Variants in SLC22A25 observed in about 807,000 individuals in gnomAD.
SLC22A25 encodes solute carrier family 22 member 25.
A neutral mutation model predicts 45.9 loss-of-function variants in SLC22A25; 44 were observed. That is an observed-to-expected ratio of 0.96 (90% CI 0.75 to 1.23). The LOEUF is 1.23. Ranked by LOEUF, SLC22A25 falls within the 50% of genes most tolerant of loss-of-function variation. SLC22A25 has a pLI of 0.00. For missense variants in SLC22A25, 800 were observed against 666.4 expected (o/e 1.20, Z -2.21); for synonymous variants, 283 against 238.6 (o/e 1.19, Z -1.72).
At chr11:63,175,276 A>G (rs936718109) in intron 9 of SLC22A25, among the ~76,000 whole-genome samples, 13 of 151,978 alleles carry the variant, frequency 8.6e-5, no homozygotes, top group Admixed American at 7.2e-4. Flanking sequence ...ATTATCTCTT[A>G]TTTATTTATT....
In SLC22A25 at chr11:63,163,036, TC is replaced by T. The variant is rs2087561867; in HGVS notation, c.*787del. Among the ~76,000 whole-genome samples, 1 of 152,124 alleles carries T rather than the reference TC, an allele frequency of 6.6e-6. No individual in the cohort carries two copies. Among genetic ancestry groups the T allele is most frequent in the Non-Finnish European group, 1.5e-5 (1 of 68,026 alleles). ...GAAAGACATGGACTAAACATATAAG[TC>T]CTGCATTCTTTAGGACATACTGATT... On this transcript the variant is annotated 3_prime_UTR_variant, in exon 12 of 12. Transcript: ENST00000306494.
rs545228453 is a variant in SLC22A25, at chr11:63,199,150, C to A, written c.831-15333G>T. ...AAAAATTAATAATATATATATAGATCCCTAGCTAGACTAATAAAGAAGAAA... is the reference window on the plus strand; with the variant it reads ...AAAAATTAATAATATATATATAGATACCTAGCTAGACTAATAAAGAAGAAA... On this transcript the variant is annotated intron_variant, in intron 7 of 11. Coordinates refer to ENST00000306494, the MANE Select transcript of SLC22A25 (RefSeq NM_199352.6). 7.9e-5 allele frequency among the ~76,000 whole-genome samples: 12 copies of A among 151,708 alleles called. No individual in the cohort carries two copies. The South Asian group carries it at 2.5e-3, about 32-fold the overall frequency.
At chr11:63,176,680 T>C (rs2088100122) in intron 9 of SLC22A25, among the ~76,000 whole-genome samples, 1 of 152,006 alleles carries the variant, frequency 6.6e-6, no homozygotes, top group African/African-American at 2.4e-5. Context: ...ACCTTTCCTA[T>C]TTAGATGCTT....
At chr11:63,239,940 A>T (rs2134865005) in intron 1 of SLC22A25, among the ~76,000 whole-genome samples, 1 of 152,344 alleles carries the variant, frequency 6.6e-6, no homozygotes, top group Non-Finnish European at 1.5e-5. Context: ...ACAGTCATGC[A>T]TCTCAAAACA....
At chr11:63,174,594 A>G (rs2088018536) in intron 9 of SLC22A25, among the ~76,000 whole-genome samples, 2 of 152,108 alleles carry the variant, frequency 1.3e-5, no homozygotes, top group South Asian at 4.1e-4. Context: ...CCAGTCACTC[A>G]GATACTGAAA....
At chr11:63,225,542 T>G (rs1212364823) in intron 5 of SLC22A25, among the ~76,000 whole-genome samples, 1 of 152,194 alleles carries the variant, frequency 6.6e-6, no homozygotes, top group African/African-American at 2.4e-5. Flanking sequence ...TTCTTTTCTC[T>G]TGCGTGTTTA....
intron 5 of SLC22A25, among the ~76,000 whole-genome samples, chr11:63,221,508 TC>T (rs1289684598): frequency 6.6e-6 from 1 of 152,146 alleles, no homozygotes; most frequent in African/African-American, 2.4e-5. Context: ...TTGTGCACAC[TC>T]CTTATATATT....
rs557450546 is a variant in SLC22A25, at chr11:63,168,013, C to A, written c.1071-1755G>T. On this transcript the variant is annotated intron_variant, in intron 9 of 11. Coordinates refer to ENST00000306494, the MANE Select transcript of SLC22A25 (RefSeq NM_199352.6). ...TGTTCTGCAACCTCCGCTGGTGATA[C>A]CCAAGCAAACAGGATCTGGAGTGGA... 1.7e-5 allele frequency: 6 copies of A among 354,962 alleles called. No individual in the cohort carries two copies. In the East Asian group the frequency reaches 6.3e-4, roughly 37 times the overall value. The allele number at this position is 354,962 out of a possible 1,614,324, so 22.0% of individuals were successfully genotyped here.
chr11:63,193,051 T>C (rs148987740), intron 7 of SLC22A25, among the ~76,000 whole-genome samples: 156 of 152,226 alleles, frequency 1.0e-3, no homozygotes, highest in Admixed American at 2.2e-3. Context: ...TTGCCACATG[T>C]CACATATTCT....
chr11:63,208,020 C>T (rs965455931), intron 7 of SLC22A25: 2 of 152,214 alleles, frequency 1.3e-5, no homozygotes, highest in South Asian at 2.1e-4. Context: ...TAACTATCCT[C>T]CTGAACCCCA....
At chr11:63,225,514 C>T (rs927373718) in intron 5 of SLC22A25, among the ~76,000 whole-genome samples, 2 of 152,056 alleles carry the variant, frequency 1.3e-5, no homozygotes, top group African/African-American at 4.8e-5. Flanking sequence ...TATTGGGTCT[C>T]CATTGGATGT....
At chr11:63,224,573 T>C (rs1450112565) in intron 5 of SLC22A25, among the ~76,000 whole-genome samples, 1 of 152,208 alleles carries the variant, frequency 6.6e-6, no homozygotes, top group Non-Finnish European at 1.5e-5. Context: ...TTTGGTTTCT[T>C]GATTTTTATT....
intron 5 of SLC22A25, among the ~76,000 whole-genome samples, chr11:63,224,532 T>A (rs2089917801): frequency 6.6e-6 from 1 of 152,178 alleles, no homozygotes; most frequent in Admixed American, 6.5e-5. Context: ...TGTCTTCCTT[T>A]TAGTGAAGGT....
chr11:63,187,560 G>T (rs917109683), intron 7 of SLC22A25, among the ~76,000 whole-genome samples: 3 of 152,132 alleles, frequency 2.0e-5, no homozygotes, highest in Admixed American at 1.3e-4. Context: ...TGATTGCCCT[G>T]GCCAGAACTT....
intron 7 of SLC22A25, among the ~76,000 whole-genome samples, chr11:63,189,592 G>A (rs1272040907): frequency 1.3e-5 from 2 of 152,178 alleles, no homozygotes; most frequent in Non-Finnish European, 2.9e-5. Flanking sequence ...TTATTATGAT[G>A]TTAGCTGGTT....
Position 63,183,855 on chromosome 11 carries a change from A to G in SLC22A25, c.831-38T>C, listed in dbSNP as rs1404450376. ...GAGGACAGAGGTGCAGCCAACCACTACTTACTCATTTTTTCACATAACATT... is the reference window on the plus strand; with the variant it reads ...GAGGACAGAGGTGCAGCCAACCACTGCTTACTCATTTTTTCACATAACATT... On this transcript the variant is annotated intron_variant, in intron 7 of 11. Transcript: ENST00000306494. 7 of 1,610,800 alleles carry G rather than the reference A, an allele frequency of 4.3e-6. No individual in the cohort carries two copies. The Admixed American group carries it at 1.2e-4, about 27-fold the overall frequency.
At chr11:63,225,028 G>A (rs1301360409) in intron 5 of SLC22A25, among the ~76,000 whole-genome samples, 1 of 152,206 alleles carries the variant, frequency 6.6e-6, no homozygotes, top group Non-Finnish European at 1.5e-5. Context: ...GAACCCAGGA[G>A]GCGGAGCTTG....
chr11:63,197,253 G>T (rs1397548620), intron 7 of SLC22A25, among the ~76,000 whole-genome samples: 2 of 151,808 alleles, frequency 1.3e-5, no homozygotes, highest in Non-Finnish European at 2.9e-5. Context: ...CAGAAGAAAT[G>T]ACTTTAAAGC....
At chr11:63,243,148 C>T (rs757155315) in intron 1 of SLC22A25, 37 of 192,064 alleles carry the variant, frequency 1.9e-4, no homozygotes, top group Non-Finnish European at 3.7e-4. Flanking sequence ...CAACCTACTC[C>T]AAGTTGACCG....
Sources: allele counts gnomAD v4.1 joint callset (sites outside exome capture counted in the v4.1 genomes callset), GRCh38; gene constraint gnomAD v4.1.1; transcripts MANE v1.5; gene names NCBI Gene and HGNC (gene_info 2026-07-23, HGNC 2026-07-21).